Variants in NIPA2 observed in about 807,000 individuals in gnomAD.
NIPA2 encodes the protein magnesium transporter NIPA2.
In NIPA2, 11 loss-of-function variants were observed where a neutral mutation model predicts 29.7. The ratio of observed to expected loss-of-function variants is 0.37; its 90% CI spans 0.23 to 0.61. The LOEUF is 0.61. NIPA2 is among the 20% of genes least tolerant of loss of function. The pLI is 0.66. For synonymous variants in NIPA2, 183 were observed against 161.9 expected, an observed-to-expected ratio of 1.13 and a Z score of -0.99; for missense variants, 426 against 437.9, an observed-to-expected ratio of 0.97 and a Z score of 0.24.
chr15:22,853,429 A>G (rs1275022147), intron 5 of NIPA2, among the ~76,000 whole-genome samples, 161 bp downstream of exon 5: 1 of 147,686 alleles, frequency 6.8e-6, no homozygotes, highest in African/African-American at 2.5e-5. Context: ...GCTGGAGTGC[A>G]GTGGCGTGAT....
At chr15:22,855,499 A>G (rs1418590223) in intron 5 of NIPA2, among the ~76,000 whole-genome samples, 3 of 152,126 alleles carry the variant, frequency 2.0e-5, no homozygotes, top group Non-Finnish European at 2.9e-5. Flanking sequence ...CTTGTATGCC[A>G]GGCATTGTTC....
intron 6 of NIPA2, 89 bp downstream of exon 6, chr15:22,858,719 A>C: frequency 1.3e-6 from 1 of 784,954 alleles, no homozygotes; most frequent in South Asian, 2.6e-5. Context: ...GTTCAACACA[A>C]TTTACATTTC....
At chr15:22,843,917 C>T (rs1038770451) in intron 2 of NIPA2, among the ~76,000 whole-genome samples, 3 of 152,116 alleles carry the variant, frequency 2.0e-5, no homozygotes, top group East Asian at 3.9e-4. Flanking sequence ...AGGCTGGTCT[C>T]GAACTCCTGG....
chr15:22,866,460 G>GATTA lies in NIPA2; in HGVS notation c.701_704dup (p.Tyr235Ter). ...GCCTCATCGTCTGTGTGAGCACACA[G>GATTA]ATTAATTACCTAAATAGGGCCCTGG... On this transcript the variant is annotated frameshift_variant, in exon 8 of 8. Coordinates refer to ENST00000337451, the MANE Select transcript of NIPA2 (RefSeq NM_030922.7). LOFTEE classifies it high-confidence loss of function. The GATTA allele has an allele frequency of 6.2e-7, 1 of 1,614,144 alleles. No homozygotes were observed. The highest frequency in any genetic ancestry group is 1.6e-4 in the Middle Eastern group (1 of 6,062).
At chr15:22,855,120 A>G (rs957488409) in intron 5 of NIPA2, among the ~76,000 whole-genome samples, 3 of 151,866 alleles carry the variant, frequency 2.0e-5, no homozygotes, top group Non-Finnish European at 4.4e-5. Context: ...ACGTGGAAAA[A>G]AATTATTCTG....
intron 5 of NIPA2, among the ~76,000 whole-genome samples, chr15:22,853,666 G>A (rs540181546): frequency 6.7e-6 from 1 of 149,172 alleles, no homozygotes; most frequent in East Asian, 2.0e-4. Flanking sequence ...GTGAGCCACC[G>A]CACCCGGCCT....
Position 22,868,004 on chromosome 15 carries a change from T to A in NIPA2, c.*1157T>A, listed in dbSNP as rs1300008097. 1.3e-5 allele frequency: 2 copies of A among 152,260 alleles called. No individual in the cohort carries two copies. Among genetic ancestry groups the A allele is most frequent in the Non-Finnish European group, 2.9e-5 (2 of 68,052 alleles). 9.4% of individuals were successfully genotyped at this position (152,260 alleles called of 1,614,324 possible). On this transcript the variant is annotated 3_prime_UTR_variant, in exon 8 of 8. Transcript: ENST00000337451. The stretch of plus-strand genomic sequence containing the variant: ...AGTATTGGCAGAATTAATTTCCACC[T>A]AGGTGATGGGAAGAAAGTGTTCGCC...
intron 5 of NIPA2, 119 bp downstream of exon 5, chr15:22,853,387 T>G: frequency 1.7e-6 from 1 of 596,174 alleles, no homozygotes; most frequent in Non-Finnish European, 2.8e-6. Context: ...TTTTTTTTTT[T>G]TTTTGAGACA....
At chr15:22,860,847 T>G (rs2058570536) in intron 7 of NIPA2, 58 bp downstream of exon 7, 1 of 1,341,780 alleles carries the variant, frequency 7.5e-7, no homozygotes, top group Non-Finnish European at 1.0e-6. Flanking sequence ...AGTTTTTACT[T>G]TAATCGAAAT....
intron 3 of NIPA2, among the ~76,000 whole-genome samples, chr15:22,850,286 A>G (rs977480301): frequency 6.6e-6 from 1 of 151,974 alleles, no homozygotes; most frequent in African/African-American, 2.4e-5. Context: ...TCCTGTGGCT[A>G]TGGCAGGGTG....
At position 22,860,632 on chromosome 15, in the gene NIPA2, C is replaced by T. The variant is rs2058553937; in HGVS notation, c.291C>T (p.Ala97=). Residue 97 remains alanine, a synonymous_variant, in exon 7 of 8, where the codon GCC becomes GCT. Transcript: ENST00000337451. ...TTTTTTTTCCTCCCCATTTTAGTGC[C>T]ATTCTTTCTTCATACTTTCTCAATG... is the stretch of plus-strand genomic sequence containing the variant. ...PLGALSVLVS[A]ILSSYFLNER... The T allele has an allele frequency of 3.9e-6, 6 of 1,550,942 alleles. No homozygotes were observed. Among genetic ancestry groups the T allele is most frequent in the Non-Finnish European group, 5.2e-6 (6 of 1,155,872 alleles).
Position 22,868,031 on chromosome 15 carries a change from G to A in NIPA2, c.*1184G>A, listed in dbSNP as rs531895585. The A allele has an allele frequency of 6.6e-6, 1 of 152,368 alleles. No homozygotes were observed. Among genetic ancestry groups the A allele is most frequent in the East Asian group, 1.9e-4 (1 of 5,186 alleles). 9.4% of individuals were successfully genotyped at this position (152,368 alleles called of 1,614,324 possible). On this transcript the variant is annotated 3_prime_UTR_variant, in exon 8 of 8. Coordinates refer to ENST00000337451, the MANE Select transcript of NIPA2 (RefSeq NM_030922.7). ...GGTGATGGGAAGAAAGTGTTCGCCT[G>A]TTCCAGCCTGTGGCTCCTGCCTGGA...
At chr15:22,856,409 G>C (rs73420291) in intron 5 of NIPA2, among the ~76,000 whole-genome samples, 1 of 146,948 alleles carries the variant, frequency 6.8e-6, no homozygotes, top group Non-Finnish European at 1.5e-5. Context: ...TTTTCTTTTT[G>C]AGAAGTCAGT....
Position 22,867,625 on chromosome 15 carries a change from G to GTT in NIPA2, c.*779_*780dup, listed in dbSNP as rs1227331240. The GTT allele has an allele frequency of 6.3e-6, 1 of 158,226 alleles. No homozygotes were observed. The highest frequency in any genetic ancestry group is 2.4e-5 in the African/African-American group (1 of 41,688). The allele number at this position is 158,226 out of a possible 1,614,324, so 9.8% of individuals were successfully genotyped here. On this transcript the variant is annotated 3_prime_UTR_variant, in exon 8 of 8. Transcript: ENST00000337451. ...ACTTTTCAGTATATTTTCATAATGA[G>GTT]TTATATTGTCATTTAGACTTTGAAC...
At chr15:22,842,864 G>T (rs1238862018) in intron 2 of NIPA2, among the ~76,000 whole-genome samples, 1 of 151,814 alleles carries the variant, frequency 6.6e-6, no homozygotes, top group Non-Finnish European at 1.5e-5. Context: ...TTTGCCTAGT[G>T]TAGTGGTGGG....
At chr15:22,864,279 C>A (rs577755678) in intron 7 of NIPA2, among the ~76,000 whole-genome samples, 1 of 152,134 alleles carries the variant, frequency 6.6e-6, no homozygotes, top group African/African-American at 2.4e-5. Context: ...CTCAGCCTCC[C>A]GAGTAGCTGG....
chr15:22,867,723 T>C lies in NIPA2; in HGVS notation c.*876T>C, dbSNP rs1566890421. On this transcript the variant is annotated 3_prime_UTR_variant, in exon 8 of 8. Transcript: ENST00000337451. ...GTTATAATAAAAAGTTGAAATGAAG[T>C]TCTTATTCTAAAAGTCTGAATGCTT... 1 of 152,260 alleles carries C rather than the reference T, an allele frequency of 6.6e-6. No individual in the cohort carries two copies. The highest frequency in any genetic ancestry group is 2.4e-5 in the African/African-American group (1 of 41,434). 9.4% of individuals were successfully genotyped at this position (152,260 alleles called of 1,614,324 possible).
chr15:22,841,754 G>A (rs1214226688), intron 2 of NIPA2, among the ~76,000 whole-genome samples: 11 of 152,162 alleles, frequency 7.2e-5, no homozygotes, highest in South Asian at 6.2e-4. Context: ...TGATCCACCC[G>A]CCTCGACCTC....
chr15:22,860,497 C>G, intron 6 of NIPA2, 132 bp from the exon 7 acceptor site: 2 of 656,940 alleles, frequency 3.0e-6, no homozygotes, highest in Non-Finnish European at 5.1e-6. Flanking sequence ...TTTTCCTTGG[C>G]GAAAGCCAGA....
Sources: gnomAD v4.1 joint callset for allele counts (sites outside exome capture counted in the v4.1 genomes callset) on GRCh38, gnomAD v4.1.1 for gene constraint, MANE v1.5 for transcripts, NCBI Gene and HGNC (gene_info 2026-07-23, HGNC 2026-07-21) for gene names.